The following MLIP variants were observed in gnomAD, a reference collection of about 807,000 sequenced individuals.
The protein encoded by MLIP is muscular LMNA-interacting protein.
Under a neutral mutation model 84.8 loss-of-function variants are expected in MLIP, and 79 were observed. That is an observed-to-expected ratio of 0.93 (90% CI 0.78 to 1.12). The LOEUF (loss-of-function observed/expected upper bound fraction) is 1.12, where lower values mean the gene tolerates loss of function less well. Ranked by LOEUF, MLIP falls within the 50% of genes most tolerant of loss-of-function variation. MLIP has a pLI of 0.00. For synonymous variants in MLIP, 504 were observed against 463.0 expected, an observed-to-expected ratio of 1.09 and a Z score of -1.14; for missense variants, 1,257 against 1,160.6, an observed-to-expected ratio of 1.08 and a Z score of -1.21.
chr6:54,111,543 A>G lies in MLIP; in HGVS notation c.64A>G (p.Ile22Val). 6.5e-7 allele frequency: 1 copy of G among 1,536,068 alleles called. No individual in the cohort carries two copies. Among genetic ancestry groups the G allele is most frequent in the Non-Finnish European group, 8.7e-7 (1 of 1,146,860 alleles). Residue 22 changes from isoleucine to valine, a missense_variant, in exon 1 of 14, where the codon ATC (isoleucine) becomes GTC (valine). Physicochemically the swap from Ile to Val is conservative, Grantham distance 29 (BLOSUM62 3). Coordinates refer to ENST00000502396, the MANE Select transcript of MLIP (RefSeq NM_001281747.2). Reference protein sequence around the residue: ...GNNYFQMTSCILSGSIQTTPQ... With the variant: ...GNNYFQMTSCVLSGSIQTTPQ... The stretch of plus-strand genomic sequence containing the variant: ...CAATTACTTCCAAATGACCTCGTGC[A>G]TCTTATCAGGGAGCATTCAGACCAC...
intron 11 of MLIP, among the ~76,000 whole-genome samples, chr6:54,226,697 A>T (rs1428838497): frequency 6.6e-6 from 1 of 152,294 alleles, no homozygotes; most frequent in African/African-American, 2.4e-5. Flanking sequence ...AGACAGAAAA[A>T]ACTCAAGAAC....
intron 11 of MLIP, among the ~76,000 whole-genome samples, chr6:54,212,961 C>A (rs1436130108): frequency 1.3e-5 from 2 of 152,112 alleles, no homozygotes; most frequent in Non-Finnish European, 2.9e-5. Flanking sequence ...AACTAGGCAA[C>A]CTAAAATTTA....
At chr6:54,049,704 T>C (rs1162465667) in intron 1 of MLIP, among the ~76,000 whole-genome samples, 1 of 152,150 alleles carries the variant, frequency 6.6e-6, no homozygotes, top group Non-Finnish European at 1.5e-5. Context: ...CTAAGTCTTA[T>C]CTTTAAAGCA....
chr6:54,237,709 G>T (rs1033459154), intron 12 of MLIP, among the ~76,000 whole-genome samples: 2 of 150,656 alleles, frequency 1.3e-5, no homozygotes, highest in African/African-American at 4.9e-5. Flanking sequence ...AATTAGCTGG[G>T]CATGGTTTCG....
In MLIP at chr6:54,177,678, G is replaced by A. The variant is rs562783051; in HGVS notation, c.2544+8106G>A. On this transcript the variant is annotated intron_variant, in intron 9 of 13. Transcript: ENST00000502396. ...AGAACCAGAAATACCATTTCACCCAGCAATCCCATTACTGGGTATATACCC... is the reference window on the plus strand; with the variant it reads ...AGAACCAGAAATACCATTTCACCCAACAATCCCATTACTGGGTATATACCC... 5.3e-5 allele frequency among the ~76,000 whole-genome samples: 8 copies of A among 152,226 alleles called. No homozygotes were observed. The East Asian group carries it at 1.4e-3, about 26-fold the overall frequency.
chr6:54,190,947 C>T (rs561136545), intron 10 of MLIP, among the ~76,000 whole-genome samples: 25 of 152,020 alleles, frequency 1.6e-4, no homozygotes, highest in Non-Finnish European at 2.2e-4. Context: ...AGGCGCCCGC[C>T]ACCGAGCCCG....
chr6:54,145,652 T>C (rs1380077653), intron 4 of MLIP, among the ~76,000 whole-genome samples: 1 of 151,978 alleles, frequency 6.6e-6, no homozygotes, highest in Non-Finnish European at 1.5e-5. Flanking sequence ...GCCACATGCC[T>C]GTATTACCAG....
intron 1 of MLIP, among the ~76,000 whole-genome samples, chr6:54,037,913 A>G (rs1029773811): frequency 1.3e-5 from 2 of 151,928 alleles, no homozygotes; most frequent in South Asian, 4.2e-4. Context: ...GTGTATTGTA[A>G]TCTCAGTATT....
chr6:54,253,294 C>A (rs1782767902), intron 12 of MLIP, among the ~76,000 whole-genome samples: 1 of 152,002 alleles, frequency 6.6e-6, no homozygotes, highest in South Asian at 2.1e-4. Flanking sequence ...AGTGGAGAGA[C>A]AGAAGCAGAA....
intron 1 of MLIP, among the ~76,000 whole-genome samples, chr6:54,089,317 G>A (rs1767705472): frequency 6.6e-6 from 1 of 151,926 alleles, no homozygotes; most frequent in Non-Finnish European, 1.5e-5. Flanking sequence ...ATTCCACCGG[G>A]AATTACCTTA....
At chr6:54,224,666 C>T (rs1188496207) in intron 11 of MLIP, among the ~76,000 whole-genome samples, 1 of 151,844 alleles carries the variant, frequency 6.6e-6, no homozygotes, top group Non-Finnish European at 1.5e-5. Flanking sequence ...ATTTGTGAGA[C>T]CCTGGTTCTC....
intron 12 of MLIP, among the ~76,000 whole-genome samples, chr6:54,255,821 A>G (rs1782968734): frequency 6.6e-6 from 1 of 152,142 alleles, no homozygotes; most frequent in Non-Finnish European, 1.5e-5. Flanking sequence ...TTTCTGTTTT[A>G]GGAGATTAGA....
At position 54,216,254 on chromosome 6, in the gene MLIP, C is replaced by T. The variant is rs555533860; in HGVS notation, c.2718+14021C>T. The T allele has an allele frequency of 4.8e-5, 47 of 985,284 alleles. 1 individual carries two copies. Among genetic ancestry groups the T allele is most frequent in the Middle Eastern group, 5.2e-4 (1 of 1,914 alleles). 61.0% of individuals were successfully genotyped at this position (985,284 alleles called of 1,614,324 possible). On this transcript the variant is annotated intron_variant, in intron 11 of 13. Coordinates refer to ENST00000502396, the MANE Select transcript of MLIP (RefSeq NM_001281747.2). ...CTAAAGGGTCAACTGAATATATTGT[C>T]TTCTTTCTCTCTTCCATTATGAGCA...
At chr6:54,034,595 A>G (rs1764321423) in intron 1 of MLIP, among the ~76,000 whole-genome samples, 1 of 152,208 alleles carries the variant, frequency 6.6e-6, no homozygotes, top group Non-Finnish European at 1.5e-5. Flanking sequence ...TAGACTAAGG[A>G]TAAGAAGAAA....
At chr6:54,124,922 G>T in intron 3 of MLIP, 57 bp downstream of exon 3, 1 of 1,472,970 alleles carries the variant, frequency 6.8e-7, no homozygotes, top group South Asian at 1.5e-5. Context: ...TGCACCCTTT[G>T]TCTTGGGCGG....
intron 12 of MLIP, among the ~76,000 whole-genome samples, chr6:54,232,512 AAAT>A (rs1781076612): frequency 6.6e-6 from 1 of 152,146 alleles, no homozygotes; most frequent in Non-Finnish European, 1.5e-5. Context: ...TTCATAACCA[AAAT>A]AATAATAGTA....
At chr6:54,242,738 T>G (rs1262756313) in intron 12 of MLIP, among the ~76,000 whole-genome samples, 2 of 152,170 alleles carry the variant, frequency 1.3e-5, no homozygotes, top group Non-Finnish European at 2.9e-5. Flanking sequence ...GAGTATATGT[T>G]AAGAATAAAG....
At chr6:54,171,003 T>A (rs575919597) in intron 9 of MLIP, among the ~76,000 whole-genome samples, 1 of 151,590 alleles carries the variant, frequency 6.6e-6, no homozygotes, top group South Asian at 2.1e-4. Flanking sequence ...CAATTTTTGC[T>A]CTCTCTCCTT....
chr6:54,123,928 T>C (rs1430173300), intron 2 of MLIP, among the ~76,000 whole-genome samples: 3 of 152,202 alleles, frequency 2.0e-5, no homozygotes, highest in African/African-American at 7.2e-5. Flanking sequence ...ACTAAAAATA[T>C]CTGCATCTTT....
Sources: allele counts gnomAD v4.1 joint callset (sites outside exome capture counted in the v4.1 genomes callset), GRCh38; gene constraint gnomAD v4.1.1; transcripts MANE v1.5; gene names NCBI Gene and HGNC (gene_info 2026-07-23, HGNC 2026-07-21).